The following ATP2C1 variants were observed in gnomAD, a reference collection of about 807,000 sequenced individuals.
The protein encoded by ATP2C1 is calcium-transporting ATPase type 2C member 1.
In ATP2C1, 31 loss-of-function variants were observed where a neutral mutation model predicts 120.5. The ratio of observed to expected loss-of-function variants is 0.26; its 90% CI spans 0.19 to 0.35. The LOEUF is 0.35. Among genes scored for constraint, ATP2C1 ranks in the 10% least tolerant of loss-of-function variants. The pLI is 1.00. For synonymous variants in ATP2C1, 351 were observed against 358.7 expected (o/e 0.98, Z 0.24); for missense variants, 731 against 1,107.5 (o/e 0.66, Z 4.83).
At chr3:130,889,781 G>A (rs546725028), upstream of ATP2C1, among the ~76,000 whole-genome samples, 6 of 151,686 alleles carry the variant, frequency 4.0e-5, no homozygotes, top group Non-Finnish European at 8.8e-5. Context: ...GAGTATCAGG[G>A]ACCACAGGTG....
intron 1 of ATP2C1, among the ~76,000 whole-genome samples, chr3:130,883,945 C>CTTTTTTTTTTTTTT (rs35365168): frequency 1.6e-5 from 2 of 122,438 alleles, no homozygotes; most frequent in Admixed American, 8.8e-5. Flanking sequence ...TTCTTTTCTT[C>CTTTTTTTTTTTTTT]TTTTTTTTTT....
In ATP2C1 at chr3:131,014,090, T is replaced by C. The variant is rs1156353768; in HGVS notation, c.2630-2062T>C. The C allele has an allele frequency of 3.1e-6, 5 of 1,601,784 alleles. No individual in the cohort carries two copies. In the African/African-American group the frequency reaches 6.8e-5, roughly 22 times the overall value. ...TGTTGGAGGCCTCACTATGTTCCTC[T>C]AAGTTTTCAACCATTAACAACCCAA... On this transcript the variant is annotated intron_variant, in intron 26 of 26. Transcript: ENST00000328560.
exon 27 of ATP2C1, chr3:131,016,455 A>T: frequency 2.5e-6 from 3 of 1,178,566 alleles, no homozygotes; most frequent in Non-Finnish European, 3.6e-6. Flanking sequence ...AAAAACTAAG[A>T]TGTTTTTCTC....
At position 130,964,015 on chromosome 3, in the gene ATP2C1, C is replaced by T; in HGVS notation, c.944C>T (p.Thr315Ile). ...CCTGAAGGTCTCCCCATTGTGGTCA[C>T]AGTGACGCTAGCTCTTGGTGTTATG... Reference protein sequence around the residue: ...AIPEGLPIVVTVTLALGVMRM... With the variant: ...AIPEGLPIVVIVTLALGVMRM... Residue 315 changes from threonine to isoleucine, a missense_variant, in exon 13 of 28, where the codon ACA (threonine) becomes ATA (isoleucine). Transcript: ENST00000510168. 1 of 1,612,790 alleles carries T rather than the reference C, an allele frequency of 6.2e-7. No homozygotes were observed. Among genetic ancestry groups the T allele is most frequent in the Non-Finnish European group, 8.5e-7 (1 of 1,179,022 alleles).
chr3:130,959,609 G>T (rs956354997), intron 12 of ATP2C1: 1 of 187,392 alleles, frequency 5.3e-6, no homozygotes, highest in Admixed American at 5.7e-5. Context: ...ATTAAGGATT[G>T]TCAAATTGAA....
chr3:130,902,551 T>C (rs1426904511), intron 2 of ATP2C1, among the ~76,000 whole-genome samples: 1 of 151,852 alleles, frequency 6.6e-6, no homozygotes, highest in African/African-American at 2.4e-5. Context: ...TAAATACATT[T>C]TATGTATTAT....
intron 17 of ATP2C1, among the ~76,000 whole-genome samples, chr3:130,974,485 A>G (rs2061460824): frequency 6.6e-6 from 1 of 152,236 alleles, no homozygotes; most frequent in African/African-American, 2.4e-5. Context: ...AGCAAGTCAT[A>G]CCTGACCGTT....
At chr3:130,933,836 T>C (rs574717231) in intron 4 of ATP2C1, among the ~76,000 whole-genome samples, 1 of 152,274 alleles carries the variant, frequency 6.6e-6, no homozygotes, top group South Asian at 2.1e-4. Context: ...TAAAGGGGCT[T>C]TGGAGGTGGT....
chr3:130,872,641 G>A (rs964193626), intron 1 of ATP2C1, among the ~76,000 whole-genome samples: 1 of 151,354 alleles, frequency 6.6e-6, no homozygotes, highest in African/African-American at 2.4e-5. Flanking sequence ...CTGGAGTGCA[G>A]TGGCACGAAA....
chr3:130,942,456 T>A (rs1576814252), intron 8 of ATP2C1, among the ~76,000 whole-genome samples: 2 of 152,314 alleles, frequency 1.3e-5, no homozygotes, highest in East Asian at 3.9e-4. Context: ...AACCCATTAG[T>A]ATGCAGGTCT....
intron 1 of ATP2C1, chr3:130,869,458 A>AAAAAAAAAAAT (rs1420627247): frequency 7.0e-5 from 9 of 128,318 alleles, no homozygotes; most frequent in East Asian, 2.3e-4. Context: ...AAAAAAAAAA[A>AAAAAAAAAAAT]AGAAATGATT....
rs1326021450 is a variant in ATP2C1, at chr3:130,885,476, A to G, written c.108+34548A>G. 2.7e-5 allele frequency among the ~76,000 whole-genome samples: 4 copies of G among 150,892 alleles called. No individual in the cohort carries two copies. In the South Asian group the frequency reaches 6.3e-4, roughly 24 times the overall value. On this transcript the variant is annotated intron_variant, in intron 1 of 26. Coordinates refer to the ATP2C1 transcript ENST00000504381. The stretch of plus-strand genomic sequence containing the variant: ...TGATTTTCTCTGGTGGTATGATTTA[A>G]TTTCTTGCTTCTTATAGTTTTCGTG...
chr3:130,976,902 A>C (rs1358308278), intron 18 of ATP2C1, among the ~76,000 whole-genome samples: 1 of 152,206 alleles, frequency 6.6e-6, no homozygotes, highest in African/African-American at 2.4e-5. Context: ...AATTGAGCAC[A>C]GGGGGTGCCC....
Position 130,896,729 on chromosome 3 carries a change from C to T in ATP2C1, c.6+1954C>T, listed in dbSNP as rs577454871. Among the ~76,000 whole-genome samples the T allele has an allele frequency of 1.6e-3, 243 of 152,282 alleles. 2 individuals carry two copies. The highest frequency in any genetic ancestry group is 5.2e-3 in the African/African-American group (217 of 41,558). On this transcript the variant is annotated intron_variant, in intron 2 of 27. Transcript: ENST00000510168. ...AAGCTGTGTGATTTTAAGTAAATTA[C>T]GTCACCTTTCTGAGCCTGTATTTCT...
At chr3:130,920,200 C>G (rs1044416860) in intron 2 of ATP2C1, among the ~76,000 whole-genome samples, 1 of 152,114 alleles carries the variant, frequency 6.6e-6, no homozygotes, top group Non-Finnish European at 1.5e-5. Context: ...TGTAGTCCCA[C>G]TTGTTTATTT....
intron 11 of ATP2C1, among the ~76,000 whole-genome samples, chr3:130,956,729 G>A (rs2060597590): frequency 6.6e-6 from 1 of 151,716 alleles, no homozygotes; most frequent in African/African-American, 2.4e-5. Flanking sequence ...TTAAATTTTT[G>A]GCCAGCTTTA....
At chr3:130,850,743 T>G in exon 1 of ATP2C1, 1 of 646,654 alleles carries the variant, frequency 1.5e-6, no homozygotes, top group East Asian at 3.2e-5. Flanking sequence ...TTTAGGCATC[T>G]GAGGAATTGC....
At chr3:130,888,722 C>A (rs1013563272) in intron 1 of ATP2C1, among the ~76,000 whole-genome samples, 4 of 152,188 alleles carry the variant, frequency 2.6e-5, no homozygotes, top group African/African-American at 9.7e-5. Context: ...GGGGTGGTGT[C>A]TGTGATTCAA....
chr3:130,883,945 CT>C lies in ATP2C1; in HGVS notation c.108+33033del, dbSNP rs35365168. Among the ~76,000 whole-genome samples the C allele has an allele frequency of 8.3e-3, 1,019 of 122,416 alleles. 7 individuals are homozygous for C. Among genetic ancestry groups the C allele is most frequent in the African/African-American group, 0.028 (934 of 32,958 alleles). The allele number at this position is 122,416 out of a possible 152,430, so 80.3% of individuals were successfully genotyped here. ...TTTCTTTCTTTCTTTTTCTTTTCTT[CT>C]TTTTTTTTTTTTTTTGATAGAGTCT... On this transcript the variant is annotated intron_variant, in intron 1 of 26. Coordinates refer to the ATP2C1 transcript ENST00000504381.
Sources: gnomAD v4.1 joint callset for allele counts (sites outside exome capture counted in the v4.1 genomes callset) on GRCh38, gnomAD v4.1.1 for gene constraint, MANE v1.5 for transcripts, NCBI Gene and HGNC (gene_info 2026-07-23, HGNC 2026-07-21) for gene names.